SMIM14: variants seen among roughly 807,000 people sequenced by gnomAD.
SMIM14 encodes the protein small integral membrane protein 14, also known as chromosome 4 open reading frame 34.
A neutral mutation model predicts 12.6 loss-of-function variants in SMIM14; 5 were observed. The ratio of observed to expected loss-of-function variants is 0.40; its 90% CI spans 0.21 to 0.83. The LOEUF is 0.83. Among genes scored for constraint, SMIM14 ranks in the 40% least tolerant of loss-of-function variants. SMIM14 has a pLI of 0.37. For missense variants in SMIM14, 86 were observed against 119.1 expected (o/e 0.72, Z 1.29); for synonymous variants, 30 against 40.1 (o/e 0.75, Z 0.95).
chr4:39,630,867 C>CAAAA (rs11451806), intron 1 of SMIM14, among the ~76,000 whole-genome samples: 3 of 53,870 alleles, frequency 5.6e-5, no homozygotes, highest in African/African-American at 2.0e-4. Context: ...AAAACCCTGT[C>CAAAA]AAAAAAAAAA....
intron 2 of SMIM14, among the ~76,000 whole-genome samples, chr4:39,592,391 A>G (rs1387118521): frequency 6.6e-6 from 1 of 151,672 alleles, no homozygotes; most frequent in African/African-American, 2.4e-5. Flanking sequence ...GCATGAGCCC[A>G]GCCAGATTTA....
At chr4:39,632,813 ACACACACACACAC>A (rs1715957862) in intron 1 of SMIM14, among the ~76,000 whole-genome samples, 1 of 151,292 alleles carries the variant, frequency 6.6e-6, no homozygotes, top group African/African-American at 2.4e-5. Context: ...ACACACACAC[ACACACACACACAC>A]AAAAGAAAAA....
intron 4 of SMIM14, among the ~76,000 whole-genome samples, chr4:39,555,728 A>G (rs1291813455): frequency 6.6e-6 from 1 of 152,196 alleles, no homozygotes; most frequent in Non-Finnish European, 1.5e-5. Context: ...TGAGAGAAAT[A>G]GGATGGGAAA....
rs184755694 is a variant in SMIM14 at position 39,572,373 on chromosome 4, T to C, written c.124+42A>G. 4.5e-4 allele frequency: 592 copies of C among 1,329,064 alleles called. 3 individuals are homozygous for C. The African/African-American group carries it at 8.1e-3, about 18-fold the overall frequency. 82.3% of individuals were successfully genotyped at this position (1,329,064 alleles called of 1,614,324 possible). On this transcript the variant is annotated intron_variant, in intron 3 of 4. Transcript: ENST00000295958. ...TTCACAGGCATCTGGCCTCTAATTC[T>C]GCCCCCAATGCCATCCTTCCTCCTG...
chr4:39,616,944 G>C (rs1404552877), intron 1 of SMIM14, among the ~76,000 whole-genome samples: 1 of 152,030 alleles, frequency 6.6e-6, no homozygotes, highest in Non-Finnish European at 1.5e-5. Flanking sequence ...AAAGTATTTA[G>C]AATTACTATC....
At chr4:39,570,975 G>A (rs1004483514) in intron 3 of SMIM14, among the ~76,000 whole-genome samples, 9 of 152,066 alleles carry the variant, frequency 5.9e-5, no homozygotes, top group Non-Finnish European at 1.5e-5. Context: ...GCAGTCTTCT[G>A]ATACAAGACT....
chr4:39,610,733 C>T (rs574758007), intron 1 of SMIM14, among the ~76,000 whole-genome samples: 1 of 151,352 alleles, frequency 6.6e-6, no homozygotes, highest in Admixed American at 6.6e-5. Flanking sequence ...ATACAACAGA[C>T]TTAATATGTG....
Position 39,638,729 on chromosome 4 carries a change from A to C in SMIM14, c.-36+10T>G. 1.0e-6 allele frequency: 1 copy of C among 985,108 alleles called. No individual in the cohort carries two copies. The highest frequency in any genetic ancestry group is 1.2e-6 in the Non-Finnish European group (1 of 829,894). The allele number at this position is 985,108 out of a possible 1,614,324, so 61.0% of individuals were successfully genotyped here. ...CAGCAAACGCTGGTGGGAGAGGGGG[A>C]GACACTCACCCGCCCAGACAACAAC... On this transcript the variant is annotated intron_variant, in intron 1 of 4. Transcript: ENST00000295958.
At chr4:39,611,060 TAC>T (rs1715013531) in intron 1 of SMIM14, among the ~76,000 whole-genome samples, 1 of 152,170 alleles carries the variant, frequency 6.6e-6, no homozygotes, top group South Asian at 2.1e-4. Context: ...TTCCTTAATT[TAC>T]AGAGAACTCT....
In SMIM14 at chr4:39,558,507, C is replaced by A. The variant is rs930507505; in HGVS notation, c.125-1937G>T. ...TGAGCTCCCAGGAAAAAGTTTCCTC[C>A]CCTTTTCAGGCATATACACAGTGGG... is the stretch of plus-strand genomic sequence containing the variant. On this transcript the variant is annotated intron_variant, in intron 3 of 4. Coordinates refer to ENST00000295958, the MANE Select transcript of SMIM14 (RefSeq NM_174921.3). The surrounding 1 kb of genome is among the most constrained non-coding windows in gnomAD (Gnocchi z 4.3). Among the ~76,000 whole-genome samples, 7 of 152,252 alleles carry A rather than the reference C, an allele frequency of 4.6e-5. No individual in the cohort carries two copies. The East Asian group carries it at 9.6e-4, about 21-fold the overall frequency.
intron 1 of SMIM14, among the ~76,000 whole-genome samples, chr4:39,610,881 T>C (rs1453381185): frequency 1.3e-5 from 2 of 152,040 alleles, no homozygotes; most frequent in African/African-American, 4.8e-5. Flanking sequence ...CATACATAAC[T>C]ACAAGAAGAT....
chr4:39,564,935 G>T (rs142097443), intron 3 of SMIM14, among the ~76,000 whole-genome samples: 121 of 152,276 alleles, frequency 7.9e-4, no homozygotes, highest in African/African-American at 2.9e-3. Context: ...GATTAAGCTG[G>T]GTGTGGTGGC....
At chr4:39,582,814 AAC>A (rs1713582956) in intron 2 of SMIM14, among the ~76,000 whole-genome samples, 2 of 151,888 alleles carry the variant, frequency 1.3e-5, no homozygotes, top group South Asian at 2.1e-4. Flanking sequence ...TTATTTTTGC[AAC>A]AGAGTCTCGC....
chr4:39,619,583 T>C (rs866089081), intron 1 of SMIM14, among the ~76,000 whole-genome samples: 1 of 88,412 alleles, frequency 1.1e-5, no homozygotes, highest in African/African-American at 4.6e-5. Context: ...TTATTCTATA[T>C]ATCAATAAAT....
At chr4:39,564,309 G>A (rs756188642) in intron 3 of SMIM14, among the ~76,000 whole-genome samples, 1 of 152,160 alleles carries the variant, frequency 6.6e-6, no homozygotes, top group Non-Finnish European at 1.5e-5. Context: ...TTTTCAAGCT[G>A]AGTCAAGGGT....
intron 2 of SMIM14, chr4:39,589,744 A>G (rs1346607990): frequency 6.6e-6 from 1 of 152,152 alleles, no homozygotes; most frequent in African/African-American, 2.4e-5. Flanking sequence ...GTTACTTTTT[A>G]AAAAGGAACA....
chr4:39,553,064 T>C (rs1469050925), intron 4 of SMIM14, among the ~76,000 whole-genome samples: 13 of 151,920 alleles, frequency 8.6e-5, no homozygotes, highest in Non-Finnish European at 1.8e-4. Flanking sequence ...TAATAGTTTT[T>C]TTTTTTTTTT....
chr4:39,632,773 C>T (rs1358065649), intron 1 of SMIM14, among the ~76,000 whole-genome samples: 3 of 97,126 alleles, frequency 3.1e-5, no homozygotes, highest in African/African-American at 4.3e-5. Context: ...GTGAGACTCC[C>T]GTCACACACA....
intron 2 of SMIM14, among the ~76,000 whole-genome samples, chr4:39,601,513 G>A (rs1421006869): frequency 1.3e-5 from 2 of 152,166 alleles, no homozygotes; most frequent in East Asian, 1.9e-4. Flanking sequence ...TTAAATTCTC[G>A]TAGTTATAAC....
Sources: gnomAD v4.1 joint callset for allele counts (sites outside exome capture counted in the v4.1 genomes callset) on GRCh38, gnomAD v4.1.1 for gene constraint, Gnocchi (gnomAD v3.1) non-coding constraint, MANE v1.5 for transcripts, NCBI Gene and HGNC (gene_info 2026-07-23, HGNC 2026-07-21) for gene names.